The following DDX5 variants were observed in gnomAD, a reference collection of about 807,000 sequenced individuals.
DDX5 encodes the protein probable ATP-dependent RNA helicase DDX5.
In DDX5, 6 loss-of-function variants were observed where a neutral mutation model predicts 68.6. The observed-to-expected ratio is 0.09, with a 90% CI of 0.05 to 0.17. The LOEUF (loss-of-function observed/expected upper bound fraction) is 0.17. Ranked by LOEUF, DDX5 falls within the 10% of genes least tolerant of loss-of-function variation. The pLI, the probability that DDX5 is intolerant of heterozygous loss-of-function variation, is 1.00. For synonymous variants in DDX5, 350 were observed against 247.0 expected, an observed-to-expected ratio of 1.42 and a Z score of -3.91; for missense variants, 499 against 756.1, an observed-to-expected ratio of 0.66 and a Z score of 3.99.
At chr17:64,506,327 C>T, upstream of DDX5, 1 of 1,477,062 alleles carries the variant, frequency 6.8e-7, no homozygotes, top group East Asian at 2.5e-5. Flanking sequence ...ATAGTCTGGA[C>T]CGCCTCCTAC....
intron 9 of DDX5, 37 bp downstream of exon 9, chr17:64,502,402 T>C (rs781828510): frequency 6.5e-7 from 1 of 1,542,784 alleles, no homozygotes; most frequent in South Asian, 1.1e-5. Flanking sequence ...CTAAGCTGTT[T>C]TAATCAATCT....
chr17:64,502,690 A>G, intron 8 of DDX5, 141 bp from the exon 9 acceptor site: 1 of 737,934 alleles, frequency 1.4e-6, no homozygotes, highest in South Asian at 1.9e-5. Flanking sequence ...CCACTTATCG[A>G]GCAGTTCGAC....
chr17:64,504,635 CGATCGAGTTACAGCCT>C, intron 2 of DDX5, 26 bp downstream of exon 2: 1 of 1,554,732 alleles, frequency 6.4e-7, no homozygotes, highest in Non-Finnish European at 8.7e-7. Flanking sequence ...CTAGAATCCA[CGATCGAGTTACAGCCT>C]GATGAAGCCA....
chr17:64,503,969 T>G lies in DDX5; in HGVS notation c.441+14A>C, dbSNP rs145204686. On this transcript the variant is annotated intron_variant, in intron 4 of 12. Coordinates refer to ENST00000225792, the MANE Select transcript of DDX5 (RefSeq NM_004396.5). Reference sequence around the variant, plus strand: ...GCATATATCAGATCAACTCAAGAGTTCTCCCAAACTTACAGACAATGTTTT... The same window carrying G: ...GCATATATCAGATCAACTCAAGAGTGCTCCCAAACTTACAGACAATGTTTT... The G allele has an allele frequency of 6.2e-7, 1 of 1,614,112 alleles. No individual in the cohort carries two copies. The highest frequency in any genetic ancestry group is 1.1e-5 in the South Asian group (1 of 91,078).
At chr17:64,502,292 T>C (rs1382908337) in intron 9 of DDX5, 69 bp from the exon 10 acceptor site, 18 of 1,547,462 alleles carry the variant, frequency 1.2e-5, no homozygotes, top group Admixed American at 6.8e-5. Flanking sequence ...CTTGACCACT[T>C]TTGGTCACAG....
chr17:64,500,848 A>C, intron 11 of DDX5, 75 bp from the exon 12 acceptor site: 1 of 1,075,176 alleles, frequency 9.3e-7, no homozygotes, highest in African/African-American at 1.6e-5. Context: ...CCAAAAATAA[A>C]AAGTTAGACA....
intron 11 of DDX5, 27 bp from the exon 12 acceptor site, chr17:64,500,800 T>C: frequency 1.9e-6 from 3 of 1,560,590 alleles, no homozygotes; most frequent in South Asian, 1.1e-5. Flanking sequence ...TGTGGCAAAA[T>C]AGCAATGTAC....
At chr17:64,506,704 C>G (rs955203974), upstream of DDX5, 1 of 406,078 alleles carries the variant, frequency 2.5e-6, no homozygotes, top group African/African-American at 2.1e-5. Flanking sequence ...GAGCGGTCCG[C>G]ACTACTTTCC....
chr17:64,505,498 C>T (rs2038447908), intron 1 of DDX5: 2 of 585,710 alleles, frequency 3.4e-6, no homozygotes, highest in South Asian at 2.1e-5. Context: ...TGGGGCGGCG[C>T]TTCCCCCTTT....
intron 11 of DDX5, chr17:64,501,107 T>C (rs2038287811): frequency 3.2e-6 from 1 of 310,232 alleles, no homozygotes; most frequent in Non-Finnish European, 6.1e-6. Flanking sequence ...CCACTTAAAG[T>C]TTCACAGCAA....
intron 5 of DDX5, 54 bp from the exon 6 acceptor site, chr17:64,503,625 C>G (rs2038351959): frequency 6.2e-7 from 1 of 1,600,904 alleles, no homozygotes; most frequent in African/African-American, 1.3e-5. Flanking sequence ...TTTTAAACTG[C>G]TAACTTATTA....
chr17:64,503,035 C>G lies in DDX5; in HGVS notation c.874G>C (p.Asp292His), dbSNP rs1555671406. 6.2e-7 allele frequency: 1 copy of G among 1,614,164 alleles called. No homozygotes were observed. The highest frequency in any genetic ancestry group is 2.2e-5 in the East Asian group (1 of 44,876). The change falls in exon 8 of 13, where the codon GAT (aspartate) becomes CAT (histidine). Residue 292 changes from aspartate (D) to histidine (H), a missense_variant. Around this residue, in one of 5 missense-constraint regions of DDX5, gnomAD observed 141 missense variants for 279.8 expected, o/e 0.50. Transcript: ENST00000225792. ...WPKEVRQLAE[D>H]FLKDYIHINI... ...ATATGAATATAGTCTTTCAGGAAAT[C>G]TTCAGCAAGCTGTCTTACTTCTTTT...
Position 64,499,977 on chromosome 17 carries a change from A to G in DDX5, c.1791T>C (p.Ala597=), listed in dbSNP as rs2038254839. 1 of 1,613,664 alleles carries G rather than the reference A, an allele frequency of 6.2e-7. No individual in the cohort carries two copies. Residue 597 remains alanine, a synonymous_variant, in exon 13 of 13, where the codon GCT becomes GCC. Transcript: ENST00000225792. Reference sequence around the variant, plus strand: ...AACCAATCATAGGTGCAGCTGCAGTAGCAGGATATGCATATGCCTGTTGGT... The same window carrying G: ...AACCAATCATAGGTGCAGCTGCAGTGGCAGGATATGCATATGCCTGTTGGT... ...GMNQQAYAYP[A]TAAAPMIGYP...
chr17:64,500,960 A>C, intron 11 of DDX5, 187 bp from the exon 12 acceptor site: 1 of 599,658 alleles, frequency 1.7e-6, no homozygotes, highest in Non-Finnish European at 3.0e-6. Flanking sequence ...AAAAAAGCAC[A>C]TGTCATCTGT....
intron 7 of DDX5, 27 bp from the exon 8 acceptor site, chr17:64,503,125 G>GT: frequency 6.2e-7 from 1 of 1,611,592 alleles, no homozygotes; most frequent in Non-Finnish European, 8.5e-7. Context: ...GGAAAAATTA[G>GT]TATCAGACTC....
Position 64,499,164 on chromosome 17 carries a change from T to TA in DDX5, c.*758dup, listed in dbSNP as rs1455771326. The stretch of plus-strand genomic sequence containing the variant: ...TTCACAGGTTTGTTCAACATTTCAG[T>TA]AATTCACAGTATAGCCAAGAGCATG... On this transcript the variant is annotated 3_prime_UTR_variant, in exon 13 of 13. Transcript: ENST00000225792. Among the ~76,000 whole-genome samples the TA allele has an allele frequency of 6.6e-6, 1 of 152,208 alleles. No homozygotes were observed. Among genetic ancestry groups the TA allele is most frequent in the East Asian group, 1.9e-4 (1 of 5,202 alleles).
In DDX5 at chr17:64,506,247, A is replaced by G. The variant is rs2038514292; in HGVS notation, c.-128T>C. 2 of 1,548,668 alleles carry G rather than the reference A, an allele frequency of 1.3e-6. No individual in the cohort carries two copies. The highest frequency in any genetic ancestry group is 2.0e-5 in the Admixed American group (1 of 51,056). ...GCGGAGGAAGGACACCGATGACACC[A>G]GCCGAAGCTGCACTACTAGAGACCG... On this transcript the variant is annotated 5_prime_UTR_variant, in exon 1 of 13. Transcript: ENST00000225792.
At position 64,500,346 on chromosome 17, in the gene DDX5, A is replaced by C; in HGVS notation, c.1442-20T>G. The C allele has an allele frequency of 6.3e-7, 1 of 1,589,004 alleles. No individual in the cohort carries two copies. Among genetic ancestry groups the C allele is most frequent in the Non-Finnish European group, 8.6e-7 (1 of 1,166,832 alleles). On this transcript the variant is annotated intron_variant, in intron 12 of 12. Transcript: ENST00000225792. ...AACGACCTGTCAAGAAAACAATTGC[A>C]AATTGATCAATTATGTCTATGACAC...
Position 64,498,315 on chromosome 17 carries a change from A to G in DDX5, c.*1608T>C, listed in dbSNP as rs1336133757. On this transcript the variant is annotated 3_prime_UTR_variant, in exon 13 of 13. Transcript: ENST00000225792. ...ACAGGCTGGACACAACACACATGCT[A>G]AAAAGTGGACTGTCTTTTAAAACTT... Among the ~76,000 whole-genome samples, 9 of 152,344 alleles carry G rather than the reference A, an allele frequency of 5.9e-5. No homozygotes were observed. Among genetic ancestry groups the G allele is most frequent in the African/African-American group, 2.2e-4 (9 of 41,580 alleles).
Sources: gnomAD v4.1 joint callset for allele counts (sites outside exome capture counted in the v4.1 genomes callset) on GRCh38, gnomAD v4.1.1 for gene constraint, gnomAD v4.1.1 regional missense constraint, MANE v1.5 for transcripts, NCBI Gene and HGNC (gene_info 2026-07-23, HGNC 2026-07-21) for gene names.